Variants in FAM227B observed in about 807,000 individuals in gnomAD.
The protein encoded by FAM227B is protein FAM227B.
A neutral mutation model predicts 73.8 loss-of-function variants in FAM227B; 88 were observed. The ratio of observed to expected loss-of-function variants is 1.19; its 90% CI spans 1.00 to 1.42. The LOEUF (loss-of-function observed/expected upper bound fraction) is 1.42. Ranked by LOEUF, FAM227B falls within the 40% of genes most tolerant of loss-of-function variation. The probability of loss-of-function intolerance (pLI) is 0.00; values close to 1 mark genes in which losing one functional copy is unlikely to be tolerated. For missense variants in FAM227B, 632 were observed against 590.9 expected (o/e 1.07, Z -0.72); for synonymous variants, 210 against 190.5 (o/e 1.10, Z -0.84).
intron 3 of FAM227B, among the ~76,000 whole-genome samples, chr15:49,600,092 A>G (rs1310837872): frequency 6.6e-6 from 1 of 152,124 alleles, no homozygotes; most frequent in Middle Eastern, 3.2e-3. Context: ...GTGTTCTGAC[A>G]CTGGGTGCAT....
chr15:49,540,897 T>C (rs942026021), intron 10 of FAM227B, among the ~76,000 whole-genome samples: 23 of 152,192 alleles, frequency 1.5e-4, no homozygotes, highest in African/African-American at 5.5e-4. Context: ...TGTGTATTCA[T>C]AGGTGGTTTC....
intron 13 of FAM227B, among the ~76,000 whole-genome samples, chr15:49,361,171 A>G (rs1420052001): frequency 6.6e-6 from 1 of 152,198 alleles, no homozygotes; most frequent in Non-Finnish European, 1.5e-5. Context: ...TACCCCATAA[A>G]TATATACAAT....
At chr15:49,539,382 G>C (rs1160027964) in intron 10 of FAM227B, among the ~76,000 whole-genome samples, 2 of 152,140 alleles carry the variant, frequency 1.3e-5, no homozygotes, top group Non-Finnish European at 2.9e-5. Context: ...TCAGTTTGTG[G>C]GCATCTTCGT....
In FAM227B at chr15:49,328,603, T is replaced by TTGATGATGG. The variant is rs779561225; in HGVS notation, c.1483_1491dup (p.Pro495_Ser497dup). ...TCTTCCTCAAAGTTGTAGTTGTCTG[T>TTGATGATGG]TGATGATGGTGATGATGATGATGAT... On this transcript the variant is annotated inframe_insertion, in exon 16 of 16. Transcript: ENST00000299338. 6.3e-7 allele frequency: 1 copy of TTGATGATGG among 1,594,720 alleles called. No homozygotes were observed. The highest frequency in any genetic ancestry group is 8.6e-7 in the Non-Finnish European group (1 of 1,167,428).
Position 49,365,167 on chromosome 15 carries a change from G to GT in FAM227B, c.1271+2280dup. The GT allele has an allele frequency of 5.2e-6, 4 of 762,252 alleles. No individual in the cohort carries two copies. The South Asian group carries it at 5.9e-5, about 11-fold the overall frequency. 47.2% of individuals were successfully genotyped at this position (762,252 alleles called of 1,614,324 possible). ...CACCAGACATCACAGGGTTTTCTTC[G>GT]TTTTTTGCATAATACAGATGGTCCA... On this transcript the variant is annotated intron_variant, in intron 13 of 15. Transcript: ENST00000299338.
intron 10 of FAM227B, among the ~76,000 whole-genome samples, chr15:49,529,262 T>C (rs1026376223): frequency 2.6e-5 from 4 of 151,426 alleles, no homozygotes; most frequent in African/African-American, 9.7e-5. Context: ...AAGTGGGAAC[T>C]AAACAATGGG....
At chr15:49,368,531 A>G (rs1475095137) in intron 12 of FAM227B, among the ~76,000 whole-genome samples, 1 of 152,204 alleles carries the variant, frequency 6.6e-6, no homozygotes, top group Non-Finnish European at 1.5e-5. Context: ...ATCATAATCA[A>G]TAGCAATTCT....
intron 13 of FAM227B, among the ~76,000 whole-genome samples, chr15:49,347,701 C>A (rs528806304): frequency 6.6e-6 from 1 of 152,160 alleles, no homozygotes; most frequent in East Asian, 1.9e-4. Context: ...GTATTGATAA[C>A]CTTCAATGAA....
chr15:49,508,066 T>C, intron 11 of FAM227B, 145 bp downstream of exon 11: 1 of 772,776 alleles, frequency 1.3e-6, no homozygotes, highest in East Asian at 2.9e-5. Context: ...CTTAAGTGTG[T>C]ACCACTATAA....
intron 5 of FAM227B, among the ~76,000 whole-genome samples, chr15:49,582,130 A>G (rs771587134): frequency 1.3e-5 from 2 of 152,216 alleles, no homozygotes; most frequent in Non-Finnish European, 2.9e-5. Flanking sequence ...ACACATATCA[A>G]TACTAACTTT....
At chr15:49,360,460 A>G (rs1013940301) in intron 13 of FAM227B, among the ~76,000 whole-genome samples, 3 of 152,148 alleles carry the variant, frequency 2.0e-5, no homozygotes, top group Admixed American at 6.5e-5. Context: ...TGAGTTTTCA[A>G]TTTTTTAAAT....
chr15:49,485,711 A>G (rs1418349776), intron 11 of FAM227B: 1 of 152,540 alleles, frequency 6.6e-6, no homozygotes, highest in Non-Finnish European at 1.5e-5. Flanking sequence ...TTCACCACAT[A>G]TTCTTGCCAA....
At chr15:49,475,347 C>T (rs1425740143) in intron 11 of FAM227B, among the ~76,000 whole-genome samples, 1 of 152,180 alleles carries the variant, frequency 6.6e-6, no homozygotes, top group Non-Finnish European at 1.5e-5. Flanking sequence ...TGAGCAGATT[C>T]TGGCTACGTG....
intron 11 of FAM227B, among the ~76,000 whole-genome samples, chr15:49,427,132 T>C (rs1407396381): frequency 6.6e-6 from 1 of 152,058 alleles, no homozygotes. Context: ...AGCCTTACTA[T>C]AATAATTTTA....
At chr15:49,511,364 T>A (rs2058986628) in intron 10 of FAM227B, among the ~76,000 whole-genome samples, 1 of 151,798 alleles carries the variant, frequency 6.6e-6, no homozygotes, top group Non-Finnish European at 1.5e-5. Context: ...TTTATTCTTG[T>A]CAACTTGTTC....
Position 49,474,054 on chromosome 15 carries a change from C to T in FAM227B, c.1012+34157G>A, listed in dbSNP as rs28393768. ...TAAAACAAAATGTATTTTTGATAGG[C>T]GAACTTTTTATTATATTCAAACTCT... On this transcript the variant is annotated intron_variant, in intron 11 of 15. Transcript: ENST00000299338. 3.2e-4 allele frequency among the ~76,000 whole-genome samples: 48 copies of T among 151,954 alleles called. No homozygotes were observed. The South Asian group carries it at 7.1e-3, about 22-fold the overall frequency.
intron 11 of FAM227B, among the ~76,000 whole-genome samples, chr15:49,474,996 A>AAAT (rs140812052): frequency 0.052 from 6,932 of 133,072 alleles, 224 homozygotes; most frequent in Middle Eastern, 0.083. Context: ...TTCAAACTAT[A>AAAT]AAAGATAGAA....
intron 11 of FAM227B, among the ~76,000 whole-genome samples, chr15:49,383,513 C>T (rs975001519): frequency 6.6e-6 from 1 of 152,002 alleles, no homozygotes; most frequent in Non-Finnish European, 1.5e-5. Flanking sequence ...GTATGACTCA[C>T]TTTGTTGCAA....
At chr15:49,534,312 G>T (rs1017958243) in intron 10 of FAM227B, among the ~76,000 whole-genome samples, 1 of 151,728 alleles carries the variant, frequency 6.6e-6, no homozygotes, top group Non-Finnish European at 1.5e-5. Flanking sequence ...CATGAATTTG[G>T]CAAGAACACT....
Sources: allele counts gnomAD v4.1 joint callset (sites outside exome capture counted in the v4.1 genomes callset), GRCh38; gene constraint gnomAD v4.1.1; transcripts MANE v1.5; gene names NCBI Gene and HGNC (gene_info 2026-07-23, HGNC 2026-07-21).